ZNF345: variants seen among roughly 807,000 people sequenced by gnomAD.
The protein encoded by ZNF345 is zinc finger protein HZF10.
For synonymous variants in ZNF345, 166 were observed against 187.9 expected (o/e 0.88, Z 0.95); for missense variants, 527 against 589.9 (o/e 0.89, Z 1.10).
At chr19:36,856,196 A>G (rs756192616) in intron 2 of ZNF345, among the ~76,000 whole-genome samples, 5 of 152,220 alleles carry the variant, frequency 3.3e-5, no homozygotes, top group Non-Finnish European at 5.9e-5. Context: ...TTTTTCCCAA[A>G]ATATCTTATA....
chr19:36,865,766 C>T (rs556644916), intron 2 of ZNF345, among the ~76,000 whole-genome samples: 9 of 152,300 alleles, frequency 5.9e-5, no homozygotes, highest in Middle Eastern at 3.4e-3. Flanking sequence ...ACAGCCTTTA[C>T]GGACATGCAC....
In ZNF345 at chr19:36,859,491, GT is replaced by G. The variant is rs994893739; in HGVS notation, c.-47+7598del. Among the ~76,000 whole-genome samples the G allele has an allele frequency of 3.3e-4, 48 of 144,484 alleles. 1 individual carries two copies. Among genetic ancestry groups the G allele is most frequent in the Middle Eastern group, 3.6e-3 (1 of 278 alleles). 94.8% of individuals were successfully genotyped at this position (144,484 alleles called of 152,430 possible). ...TATTTTTATCTTCACCAGTTCTTTT[GT>G]TTTTTTTTTTAATTTTGAGATTCTT... is the stretch of plus-strand genomic sequence containing the variant. On this transcript the variant is annotated intron_variant, in intron 2 of 2. Coordinates refer to ENST00000420450, the MANE Select transcript of ZNF345 (RefSeq NM_001242472.2).
chr19:36,871,162 C>G (rs2072763367), intron 2 of ZNF345, among the ~76,000 whole-genome samples: 1 of 152,144 alleles, frequency 6.6e-6, no homozygotes. Context: ...CTCTCTTTGT[C>G]CTCACATAGT....
At chr19:36,871,853 C>T (rs487318) in intron 2 of ZNF345, among the ~76,000 whole-genome samples, 10,219 of 152,072 alleles carry the variant, frequency 0.067, 938 homozygotes, top group African/African-American at 0.21. Flanking sequence ...CCACAACCTC[C>T]GCCTCCTGGG....
At chr19:36,890,963 T>C (rs776542167) in intron 3 of ZNF345, 3 of 152,576 alleles carry the variant, frequency 2.0e-5, no homozygotes, top group Non-Finnish European at 2.9e-5. Context: ...TTGAACTGTA[T>C]CCCCTAAAAA....
intron 2 of ZNF345, among the ~76,000 whole-genome samples, chr19:36,855,073 G>C (rs2072379017): frequency 6.6e-6 from 1 of 150,626 alleles, no homozygotes; most frequent in African/African-American, 2.4e-5. Context: ...GGATGGTCTC[G>C]ATCTCCTGAC....
chr19:36,850,665 G>A (rs2072240200), upstream of ZNF345: 1 of 152,218 alleles, frequency 6.6e-6, no homozygotes, highest in South Asian at 2.1e-4. Context: ...TCCTTGTCAG[G>A]TGAGACTCCC....
downstream of ZNF345, among the ~76,000 whole-genome samples, chr19:36,881,294 C>T (rs1056883211): frequency 6.6e-6 from 1 of 152,088 alleles, no homozygotes; most frequent in Non-Finnish European, 1.5e-5. Context: ...TGCAAATATT[C>T]CAAAATCCAA....
At position 36,878,795 on chromosome 19, in the gene ZNF345, A is replaced by AT. The variant is rs1371333372; in HGVS notation, c.*500dup. 6.0e-6 allele frequency: 1 copy of AT among 166,734 alleles called. No individual in the cohort carries two copies. The highest frequency in any genetic ancestry group is 2.4e-5 in the African/African-American group (1 of 41,288). The allele number at this position is 166,734 out of a possible 1,614,324, so 10.3% of individuals were successfully genotyped here. On this transcript the variant is annotated 3_prime_UTR_variant, in exon 3 of 3. Coordinates refer to ENST00000420450, the MANE Select transcript of ZNF345 (RefSeq NM_001242472.2). ...CTATTTGATGGTAAGTTACATTTTTATTCACATAAAGCTTGGATATCAGGT... is the reference window on the plus strand; with the variant it reads ...CTATTTGATGGTAAGTTACATTTTTATTTCACATAAAGCTTGGATATCAGGT...
In ZNF345 at chr19:36,891,815, A is replaced by G. The variant is rs572267939; in HGVS notation, c.47-1003A>G. ...TTAAAGGCCTTCCCACACTGCTTAC[A>G]TTCATAAGGTTTCTCACCAGTATGC... On this transcript the variant is annotated intron_variant, in intron 3 of 3. Transcript: ENST00000526123. The G allele has an allele frequency of 9.3e-6, 15 of 1,614,184 alleles. No individual in the cohort carries two copies. The South Asian group carries it at 1.5e-4, about 17-fold the overall frequency.
Position 36,891,766 on chromosome 19 carries a change from T to C in ZNF345, c.47-1052T>C, listed in dbSNP as rs370987908. ...CTTCTCACCAGCATGAATTCTGTGA[T>C]GGTTAGTAAGTGTTGAGGCACTATT... On this transcript the variant is annotated intron_variant, in intron 3 of 3. Coordinates refer to the ZNF345 transcript ENST00000526123. 41 of 1,614,060 alleles carry C rather than the reference T, an allele frequency of 2.5e-5. No individual in the cohort carries two copies. The highest frequency in any genetic ancestry group is 4.2e-6 in the Non-Finnish European group (5 of 1,180,034).
chr19:36,877,043 T>C lies in ZNF345; in HGVS notation c.213T>C (p.Phe71=). 1.9e-6 allele frequency: 3 copies of C among 1,614,188 alleles called. No homozygotes were observed. Among genetic ancestry groups the C allele is most frequent in the Non-Finnish European group, 2.5e-6 (3 of 1,180,008 alleles). ...AATGTAAGGAATGTGGGAAGGATTT[T>C]AGTTTTGTATCAGTCCTTGTTCGAC... ...LLECKECGKD[F]SFVSVLVRHQ... Residue 71 remains phenylalanine (F), a synonymous_variant, in exon 3 of 3, where the codon TTT becomes TTC. Coordinates refer to ENST00000420450, the MANE Select transcript of ZNF345 (RefSeq NM_001242472.2).
At chr19:36,892,544 G>A in intron 3 of ZNF345, 1 of 1,392,634 alleles carries the variant, frequency 7.2e-7, no homozygotes, top group Non-Finnish European at 9.6e-7. Context: ...AGAAATGGGA[G>A]AATTAAACTG....
At chr19:36,864,052 A>G (rs2072610053) in intron 2 of ZNF345, among the ~76,000 whole-genome samples, 1 of 152,226 alleles carries the variant, frequency 6.6e-6, no homozygotes, top group Non-Finnish European at 1.5e-5. Context: ...TTCACTTGGA[A>G]CGACATCAGT....
intron 3 of ZNF345, chr19:36,892,502 T>G (rs80207113): frequency 1.3e-6 from 2 of 1,529,462 alleles, no homozygotes; most frequent in South Asian, 1.3e-5. Context: ...AAATAAATTT[T>G]CCTATTCTGG....
intron 2 of ZNF345, chr19:36,862,973 G>A (rs547449361): frequency 6.6e-6 from 1 of 152,356 alleles, no homozygotes; most frequent in Non-Finnish European, 1.5e-5. Flanking sequence ...GAAAGACCAT[G>A]TGAGTGCATA....
chr19:36,883,832 T>C (rs1291559105), downstream of ZNF345, among the ~76,000 whole-genome samples: 1 of 152,174 alleles, frequency 6.6e-6, no homozygotes, highest in Non-Finnish European at 1.5e-5. Context: ...TCATTTTTAT[T>C]TATGTAGTGT....
At chr19:36,891,903 A>T (rs561580495) in intron 3 of ZNF345, 1 of 1,614,068 alleles carries the variant, frequency 6.2e-7, no homozygotes, top group Admixed American at 1.7e-5. Flanking sequence ...CTTTACATTC[A>T]TAAGGTTTCT....
chr19:36,855,447 CTTTTTT>C lies in ZNF345; in HGVS notation c.-47+3563_-47+3568del, dbSNP rs34265794. On this transcript the variant is annotated intron_variant, in intron 2 of 2. Transcript: ENST00000420450. Reference sequence around the variant, plus strand: ...ACAGGCGTGAGCCACCGAGCCTGGCCTTTTTTTTTTTTTTTTTTTTTTTTTAAACAG... The same window carrying C: ...ACAGGCGTGAGCCACCGAGCCTGGCCTTTTTTTTTTTTTTTTTTTAAACAG... 1.1e-3 allele frequency among the ~76,000 whole-genome samples: 65 copies of C among 58,576 alleles called. 1 individual carries two copies. Among genetic ancestry groups the C allele is most frequent in the Middle Eastern group, 0.022 (1 of 46 alleles). 38.4% of individuals were successfully genotyped at this position (58,576 alleles called of 152,430 possible).
Sources: gnomAD v4.1 joint callset for allele counts (sites outside exome capture counted in the v4.1 genomes callset) on GRCh38, gnomAD v4.1.1 for gene constraint, MANE v1.5 for transcripts, NCBI Gene and HGNC (gene_info 2026-07-23, HGNC 2026-07-21) for gene names.